The following SLC24A2 variants were observed in gnomAD, a reference collection of about 807,000 sequenced individuals.
SLC24A2 encodes sodium/potassium/calcium exchanger 2.
Under a neutral mutation model 62.0 loss-of-function variants are expected in SLC24A2, and 36 were observed. The ratio of observed to expected loss-of-function variants is 0.58; its 90% CI spans 0.44 to 0.77. SLC24A2 has a LOEUF of 0.77. SLC24A2 is among the 30% of genes least tolerant of loss of function. The pLI, the probability that SLC24A2 is intolerant of heterozygous loss-of-function variation, is 0.00. For missense variants in SLC24A2, 846 were observed against 817.9 expected (o/e 1.03, Z -0.42); for synonymous variants, 358 against 294.0 (o/e 1.22, Z -2.23).
the SLC24A2 span, among the ~76,000 whole-genome samples, chr9:19,984,206 C>G: frequency 1.3e-5 from 2 of 152,118 alleles, no homozygotes; most frequent in Non-Finnish European, 2.9e-5. Context: ...TATCAAAATT[C>G]CAATGACTTT....
At chr9:19,652,510 T>C (rs539149513) in intron 2 of SLC24A2, among the ~76,000 whole-genome samples, 14 of 152,060 alleles carry the variant, frequency 9.2e-5, no homozygotes, top group Non-Finnish European at 1.8e-4. Context: ...TGATGCACTT[T>C]GAAGATGGGG....
the SLC24A2 span, among the ~76,000 whole-genome samples, chr9:20,037,177 C>T: frequency 5.9e-5 from 9 of 152,148 alleles, no homozygotes; most frequent in South Asian, 1.5e-3. Context: ...GGATTACAGG[C>T]GTGAGCCGCT....
chr9:19,652,365 A>C (rs1818826252), intron 2 of SLC24A2, among the ~76,000 whole-genome samples: 1 of 152,178 alleles, frequency 6.6e-6, no homozygotes, highest in Non-Finnish European at 1.5e-5. Context: ...AGATGTGATT[A>C]AGTTAAGGAT....
chr9:19,981,333 T>C, the SLC24A2 span, among the ~76,000 whole-genome samples: 3 of 152,156 alleles, frequency 2.0e-5, no homozygotes, highest in South Asian at 6.2e-4. Flanking sequence ...CAGAACAAAA[T>C]AGAATCTCTG....
the SLC24A2 span, among the ~76,000 whole-genome samples, chr9:20,123,478 G>A: frequency 6.6e-6 from 1 of 152,144 alleles, no homozygotes; most frequent in African/African-American, 2.4e-5. Context: ...GTCCAAGTAG[G>A]AGGTACAGAA....
upstream of SLC24A2, among the ~76,000 whole-genome samples, chr9:19,791,464 A>G (rs1476365016): frequency 6.6e-6 from 1 of 152,212 alleles, no homozygotes; most frequent in Non-Finnish European, 1.5e-5. Context: ...GAAGGGGGAG[A>G]TAAATGTTGT....
chr9:20,080,564 T>G, the SLC24A2 span, among the ~76,000 whole-genome samples: 1 of 152,138 alleles, frequency 6.6e-6, no homozygotes. Context: ...GACATAGGCA[T>G]GGGCAAGGAC....
the SLC24A2 span, among the ~76,000 whole-genome samples, chr9:20,220,041 C>G: frequency 1.3e-5 from 2 of 151,922 alleles, no homozygotes; most frequent in Non-Finnish European, 2.9e-5. Context: ...ATTTATTATT[C>G]CTTTTACTGA....
chr9:19,695,838 A>G (rs1179318645), intron 2 of SLC24A2, among the ~76,000 whole-genome samples: 1 of 152,186 alleles, frequency 6.6e-6, no homozygotes, highest in African/African-American at 2.4e-5. Flanking sequence ...CACTTCATAA[A>G]TATAATATTG....
At chr9:19,693,566 T>A (rs1241171653) in intron 2 of SLC24A2, among the ~76,000 whole-genome samples, 1 of 152,128 alleles carries the variant, frequency 6.6e-6, no homozygotes, top group Non-Finnish European at 1.5e-5. Context: ...ATCTTCAATA[T>A]AAAGAGATTT....
At chr9:19,782,010 T>C (rs1308861529) in intron 2 of SLC24A2, among the ~76,000 whole-genome samples, 3 of 152,234 alleles carry the variant, frequency 2.0e-5, no homozygotes, top group Admixed American at 2.0e-4. Context: ...ACAAACTGAA[T>C]AAAGCAAAGC....
At chr9:19,650,370 A>G (rs1818763020) in intron 2 of SLC24A2, among the ~76,000 whole-genome samples, 1 of 152,178 alleles carries the variant, frequency 6.6e-6, no homozygotes. Flanking sequence ...TTCTGCAGGT[A>G]CCCAGCATGG....
the SLC24A2 span, among the ~76,000 whole-genome samples, chr9:20,112,381 T>C: frequency 2.0e-5 from 3 of 152,134 alleles, no homozygotes; most frequent in African/African-American, 7.2e-5. Context: ...AAAGGAAAAA[T>C]CAGATGTGCT....
chr9:20,014,711 G>A, the SLC24A2 span, among the ~76,000 whole-genome samples: 2 of 151,994 alleles, frequency 1.3e-5, no homozygotes, highest in Non-Finnish European at 2.9e-5. Flanking sequence ...GGAGAATAAT[G>A]GTTACCAGAG....
At chr9:19,552,781 C>T (rs765709730) in intron 7 of SLC24A2, among the ~76,000 whole-genome samples, 12 of 152,218 alleles carry the variant, frequency 7.9e-5, no homozygotes, top group East Asian at 1.9e-4. Context: ...TTATAACCTA[C>T]GGATTAGCTC....
the SLC24A2 span, among the ~76,000 whole-genome samples, chr9:20,255,559 T>C: frequency 1.3e-5 from 2 of 152,166 alleles, no homozygotes; most frequent in African/African-American, 2.4e-5. Flanking sequence ...TTCACTCACA[T>C]TGTCTGAGAG....
At chr9:20,030,447 T>C in the SLC24A2 span, among the ~76,000 whole-genome samples, 1 of 152,068 alleles carries the variant, frequency 6.6e-6, no homozygotes, top group Non-Finnish European at 1.5e-5. Context: ...AAAGTGCAAT[T>C]GCACCACACA....
chr9:20,265,050 C>G, the SLC24A2 span, among the ~76,000 whole-genome samples: 1 of 152,254 alleles, frequency 6.6e-6, no homozygotes, highest in African/African-American at 2.4e-5. Context: ...AGGATACATC[C>G]AGGCCAGCTG....
At chr9:20,029,038 C>A in the SLC24A2 span, among the ~76,000 whole-genome samples, 1 of 152,210 alleles carries the variant, frequency 6.6e-6, no homozygotes, top group African/African-American at 2.4e-5. Flanking sequence ...TCAAGCCAGA[C>A]TACACACACC....
Sources: allele counts gnomAD v4.1 joint callset (sites outside exome capture counted in the v4.1 genomes callset), GRCh38; gene constraint gnomAD v4.1.1; transcripts MANE v1.5; gene names NCBI Gene and HGNC (gene_info 2026-07-23, HGNC 2026-07-21).